The following SDK2 variants were observed in gnomAD, a reference collection of about 807,000 sequenced individuals.
SDK2 encodes the protein sidekick cell adhesion molecule 2.
Under a neutral mutation model 253.9 loss-of-function variants are expected in SDK2, and 105 were observed. That is an observed-to-expected ratio of 0.41 (90% CI 0.35 to 0.49). The LOEUF is 0.49. SDK2 is among the 20% of genes least tolerant of loss of function. The pLI is 0.06. For synonymous variants in SDK2, 1,249 were observed against 1,234.9 expected (o/e 1.01, Z -0.24); for missense variants, 2,608 against 3,003.0 (o/e 0.87, Z 3.07).
rs767080280 is a variant in SDK2, at chr17:73,496,635, G to A, written c.224+10803C>T. On this transcript the variant is annotated intron_variant, in intron 2 of 44. Transcript: ENST00000392650. This position sits in a 1 kb window ranked among gnomAD's most constrained non-coding sequence, Gnocchi z 4.7. ...TGTCCACTGCCTGCTGGATATATCC[G>A]AGAAGATTCTTCCTGGCGTTCCAGG... Among the ~76,000 whole-genome samples, 1 of 152,074 alleles carries A rather than the reference G, an allele frequency of 6.6e-6. No individual in the cohort carries two copies. Among genetic ancestry groups the A allele is most frequent in the African/African-American group, 2.4e-5 (1 of 41,412 alleles).
At chr17:73,359,247 C>T (rs2062620293) in intron 39 of SDK2, among the ~76,000 whole-genome samples, 1 of 152,046 alleles carries the variant, frequency 6.6e-6, no homozygotes, top group South Asian at 2.1e-4. Flanking sequence ...CCCCAGGGCC[C>T]TGGAGGGCCA....
rs759676394 is a variant in SDK2 at position 73,401,083 on chromosome 17, C to T, written c.2908G>A (p.Ala970Thr). 7.6e-6 allele frequency: 12 copies of T among 1,570,474 alleles called. No homozygotes were observed. The highest frequency in any genetic ancestry group is 2.7e-5 in the African/African-American group (2 of 74,012). Residue 970 changes from alanine (A) to threonine (T), a missense_variant, in exon 21 of 45, where the codon GCC becomes ACC. Physicochemically the swap from Ala to Thr is moderately conservative, Grantham distance 58. Transcript: ENST00000392650. ...TGGCCCTGGCCCTTTGAGGTCATGG[C>T]GGCCACCTCGATGGTGTAGGTGGTG... is the stretch of plus-strand genomic sequence containing the variant. ...ALTTYTIEVA[A>T]MTSKGQGQVS...
intron 13 of SDK2, 25 bp downstream of exon 13, chr17:73,423,891 C>G (rs764861042): frequency 6.5e-7 from 1 of 1,527,820 alleles, no homozygotes; most frequent in South Asian, 1.2e-5. Context: ...CCGCCTCTGC[C>G]GGGGTCTGGG....
At chr17:73,382,719 A>G (rs1329451916) in intron 33 of SDK2, among the ~76,000 whole-genome samples, 1 of 152,242 alleles carries the variant, frequency 6.6e-6, no homozygotes, top group Non-Finnish European at 1.5e-5. Context: ...AATCAAAAAC[A>G]GGCCAGGTAC....
intron 1 of SDK2, among the ~76,000 whole-genome samples, chr17:73,563,050 G>A (rs771241148): frequency 5.9e-5 from 9 of 152,172 alleles, no homozygotes; most frequent in Admixed American, 1.3e-4. Flanking sequence ...CTCTGATACC[G>A]CCTCACTGCC....
At chr17:73,426,814 C>CG (rs1010945893) in intron 12 of SDK2, among the ~76,000 whole-genome samples, 34 of 152,054 alleles carry the variant, frequency 2.2e-4, no homozygotes, top group African/African-American at 7.5e-4. Flanking sequence ...GGGCCGGGCG[C>CG]GGTGGCTCAT....
chr17:73,560,258 G>A (rs1336442982), intron 1 of SDK2, among the ~76,000 whole-genome samples: 1 of 152,256 alleles, frequency 6.6e-6, no homozygotes, highest in Admixed American at 6.5e-5. Context: ...AAATGTTCAT[G>A]GAAATGACAG....
chr17:73,362,442 T>C (rs2062649494), intron 38 of SDK2, among the ~76,000 whole-genome samples: 1 of 151,720 alleles, frequency 6.6e-6, no homozygotes. Flanking sequence ...TCTTGCTCTG[T>C]TGCTCAGGCA....
Position 73,467,325 on chromosome 17 carries a change from G to A in SDK2, c.331+4787C>T, listed in dbSNP as rs2063609190. Among the ~76,000 whole-genome samples the A allele has an allele frequency of 2.0e-5, 3 of 151,986 alleles. No homozygotes were observed. The highest frequency in any genetic ancestry group is 2.1e-4 in the South Asian group (1 of 4,816). On this transcript the variant is annotated intron_variant, in intron 3 of 44. Coordinates refer to ENST00000392650, the MANE Select transcript of SDK2 (RefSeq NM_001144952.2). The surrounding 1 kb of genome is among the most constrained non-coding windows in gnomAD (Gnocchi z 4.1). ...CTGTTTTGGAATCAGGCAGTCATGG[G>A]TTCAAATCCCAGTTTTTCCTAACTG...
intron 1 of SDK2, among the ~76,000 whole-genome samples, chr17:73,625,587 G>A (rs765223864): frequency 3.9e-5 from 6 of 152,286 alleles, no homozygotes; most frequent in Middle Eastern, 3.4e-3. Context: ...ATATTTCTCC[G>A]CTGCCATCTT....
chr17:73,349,407 A>G (rs1200800939), intron 43 of SDK2, among the ~76,000 whole-genome samples: 1 of 152,186 alleles, frequency 6.6e-6, no homozygotes, highest in East Asian at 1.9e-4. Flanking sequence ...GCCGCCTCCA[A>G]TGAGCTGGGA....
chr17:73,456,733 C>T lies in SDK2; in HGVS notation c.332-680G>A, dbSNP rs566858168. Among the ~76,000 whole-genome samples the T allele has an allele frequency of 7.2e-5, 11 of 152,346 alleles. No individual in the cohort carries two copies. In the South Asian group the frequency reaches 2.3e-3, roughly 32 times the overall value. ...ATAAGGAGGGGAACATTTATCCTGG[C>T]TCTGCCTGCCAGGAGGTAAGCACAG... On this transcript the variant is annotated intron_variant, in intron 3 of 44. Transcript: ENST00000392650.
intron 40 of SDK2, among the ~76,000 whole-genome samples, chr17:73,354,104 T>A (rs1004701285): frequency 1.3e-5 from 2 of 152,176 alleles, no homozygotes; most frequent in African/African-American, 4.8e-5. Context: ...TGCAGTGGTG[T>A]GCTCTTGGCT....
intron 18 of SDK2, among the ~76,000 whole-genome samples, chr17:73,409,465 T>TC (rs2063107532): frequency 1.4e-4 from 1 of 7,092 alleles, no homozygotes; most frequent in Non-Finnish European, 5.1e-4. Flanking sequence ...AGACTCTGTC[T>TC]TAAAAAAAAA....
chr17:73,636,680 C>CAAAAAAAAAAAAAAAAAAAA (rs561026344), intron 1 of SDK2, among the ~76,000 whole-genome samples: 1 of 50,988 alleles, frequency 2.0e-5, no homozygotes, highest in Non-Finnish European at 3.6e-5. Context: ...GACTCTGTCT[C>CAAAAAAAAAAAAAAAAAAAA]AAAAAAAAAA....
Position 73,401,770 on chromosome 17 carries a change from C to T in SDK2, c.2681-18G>A. 1.3e-6 allele frequency: 2 copies of T among 1,555,254 alleles called. No homozygotes were observed. On this transcript the variant is annotated intron_variant, in intron 19 of 44. Coordinates refer to ENST00000392650, the MANE Select transcript of SDK2 (RefSeq NM_001144952.2). ...CCCAGGCACTGCACCCCAAAAGGAACCCCCACCCCCCAAGGCCAGTTAGAG... is the reference window on the plus strand; with the variant it reads ...CCCAGGCACTGCACCCCAAAAGGAATCCCCACCCCCCAAGGCCAGTTAGAG...
In SDK2 at chr17:73,629,316, A is replaced by C. The variant is rs112534549; in HGVS notation, c.64+14709T>G. ...AGCCCCAGACGCATCTGCCTGTCCC[A>C]CATGTGCTTAGATGATTCACCGTGG... On this transcript the variant is annotated intron_variant, in intron 1 of 44. Transcript: ENST00000392650. This position sits in a 1 kb window ranked among gnomAD's most constrained non-coding sequence, Gnocchi z 5.0. Among the ~76,000 whole-genome samples, 907 of 152,226 alleles carry C rather than the reference A, an allele frequency of 6.0e-3. 12 individuals carry two copies. The highest frequency in any genetic ancestry group is 0.021 in the African/African-American group (862 of 41,538).
At chr17:73,420,714 C>A (rs927508215) in intron 15 of SDK2, among the ~76,000 whole-genome samples, 1 of 151,730 alleles carries the variant, frequency 6.6e-6, no homozygotes, top group African/African-American at 2.4e-5. Context: ...TCACTCTTGT[C>A]CCCCAGGCTG....
intron 1 of SDK2, among the ~76,000 whole-genome samples, chr17:73,599,568 G>C (rs1354966057): frequency 6.6e-6 from 1 of 151,724 alleles, no homozygotes; most frequent in East Asian, 1.9e-4. Flanking sequence ...TAAAAATAAA[G>C]GGGAGAGGGA....
Sources: gnomAD v4.1 joint callset for allele counts (sites outside exome capture counted in the v4.1 genomes callset) on GRCh38, gnomAD v4.1.1 for gene constraint, Gnocchi (gnomAD v3.1) non-coding constraint, MANE v1.5 for transcripts, NCBI Gene and HGNC (gene_info 2026-07-23, HGNC 2026-07-21) for gene names.